CHN2: variants seen among roughly 807,000 people sequenced by gnomAD.
CHN2 encodes the protein chimerin 2, also known as beta-chimaerin.
CHN2 carries 35 observed loss-of-function variants against 56.3 expected under a neutral mutation model. The observed-to-expected ratio is 0.62, with a 90% confidence interval of 0.47 to 0.82. The LOEUF is 0.82. CHN2 is among the 40% of genes least tolerant of loss of function. The pLI, the probability that CHN2 is intolerant of heterozygous loss-of-function variation, is 0.00. For missense variants in CHN2, 491 were observed against 580.5 expected (o/e 0.85, Z 1.58); for synonymous variants, 210 against 212.8 (o/e 0.99, Z 0.12).
chr7:29,425,959 C>G (rs1804818812), intron 6 of CHN2, among the ~76,000 whole-genome samples: 1 of 151,788 alleles, frequency 6.6e-6, no homozygotes, highest in South Asian at 2.1e-4. Flanking sequence ...ACCTGTAATC[C>G]CAGCACTTTG....
chr7:29,400,945 A>G (rs1189764634), intron 6 of CHN2, 117 bp downstream of exon 6: 2 of 1,019,078 alleles, frequency 2.0e-6, no homozygotes, highest in African/African-American at 3.3e-5. Flanking sequence ...CACCCGAAGA[A>G]CTCTAGAATG....
At chr7:29,489,139 G>C (rs1379287779) in intron 7 of CHN2, among the ~76,000 whole-genome samples, 1 of 152,176 alleles carries the variant, frequency 6.6e-6, no homozygotes, top group Admixed American at 6.5e-5. Flanking sequence ...CTAAATGCCT[G>C]AGATCTTTCT....
At chr7:29,281,688 TC>T (rs11323558) in intron 1 of CHN2, among the ~76,000 whole-genome samples, 60,409 of 152,002 alleles carry the variant, frequency 0.4, 12,452 homozygotes, top group African/African-American at 0.51. Context: ...TCCCCCTCTC[TC>T]CCCTACACAG....
intron 1 of CHN2, among the ~76,000 whole-genome samples, chr7:29,321,684 C>T (rs1795373218): frequency 6.6e-6 from 1 of 151,766 alleles, no homozygotes; most frequent in South Asian, 2.1e-4. Context: ...AATTCTCCTG[C>T]CTCAGCCTCC....
intron 1 of CHN2, among the ~76,000 whole-genome samples, chr7:29,335,144 C>T (rs10269966): frequency 0.3 from 46,105 of 152,096 alleles, 7,279 homozygotes; most frequent in East Asian, 0.35. Context: ...TTTCTGGAGC[C>T]ATCTATTTAG....
chr7:29,421,004 T>C (rs1804288457), intron 6 of CHN2, among the ~76,000 whole-genome samples: 2 of 152,166 alleles, frequency 1.3e-5, no homozygotes, highest in South Asian at 4.1e-4. Flanking sequence ...TTTCGCCATG[T>C]TGGCCAGGCT....
intron 6 of CHN2, among the ~76,000 whole-genome samples, chr7:29,458,377 G>GCACACATACACA (rs1554296992): frequency 1.8e-4 from 24 of 136,014 alleles, no homozygotes; most frequent in East Asian, 7.3e-4. Flanking sequence ...GCATAGCTGT[G>GCACACATACACA]CACACACACA....
At chr7:29,473,358 A>C (rs1036142829) in intron 6 of CHN2, among the ~76,000 whole-genome samples, 10 of 152,186 alleles carry the variant, frequency 6.6e-5, no homozygotes, top group African/African-American at 2.4e-4. Context: ...TTCTAAGAGC[A>C]CATTACAATC....
intron 1 of CHN2, among the ~76,000 whole-genome samples, chr7:29,204,910 A>C (rs1175834400): frequency 6.6e-6 from 1 of 152,258 alleles, no homozygotes; most frequent in African/African-American, 2.4e-5. Flanking sequence ...ATAGAATCAC[A>C]GCAAATCCTA....
intron 3 of CHN2, chr7:29,380,799 G>A (rs1309360612): frequency 6.6e-6 from 1 of 152,182 alleles, no homozygotes; most frequent in Non-Finnish European, 1.5e-5. Flanking sequence ...AGCTCTTTGG[G>A]CTTAAAAGGT....
At chr7:29,412,273 T>C (rs1165091172) in intron 6 of CHN2, among the ~76,000 whole-genome samples, 1 of 150,806 alleles carries the variant, frequency 6.6e-6, no homozygotes, top group East Asian at 2.0e-4. Context: ...GTAGACCTCT[T>C]ACAGTTAAAT....
chr7:29,497,627 G>A (rs756142036), intron 8 of CHN2, among the ~76,000 whole-genome samples: 7 of 152,082 alleles, frequency 4.6e-5, no homozygotes, highest in Non-Finnish European at 7.4e-5. Flanking sequence ...AACCATCATT[G>A]CCTCTCAGCT....
chr7:29,267,178 G>A (rs907889011), intron 1 of CHN2, among the ~76,000 whole-genome samples: 3 of 151,904 alleles, frequency 2.0e-5, no homozygotes, highest in African/African-American at 4.8e-5. Flanking sequence ...AATGCACAAC[G>A]CTGTATCTTT....
At chr7:29,295,346 C>CACAG (rs1245214192) in intron 1 of CHN2, among the ~76,000 whole-genome samples, 6 of 150,634 alleles carry the variant, frequency 4.0e-5, no homozygotes, top group African/African-American at 1.5e-4. Flanking sequence ...CACACACACA[C>CACAG]AGATTATAAA....
At chr7:29,381,830 A>T (rs1024845919) in intron 3 of CHN2, among the ~76,000 whole-genome samples, 3 of 150,220 alleles carry the variant, frequency 2.0e-5, no homozygotes, top group African/African-American at 7.3e-5. Flanking sequence ...AAAAAAAAAA[A>T]AAAAAAGCAG....
intron 1 of CHN2, among the ~76,000 whole-genome samples, chr7:29,235,823 G>C (rs979527229): frequency 2.6e-5 from 4 of 152,184 alleles, no homozygotes; most frequent in Admixed American, 6.5e-5. Context: ...ACTTATAAGT[G>C]GGAGCTAAAC....
chr7:29,377,650 G>T (rs1258701219), intron 3 of CHN2, among the ~76,000 whole-genome samples: 1 of 50,508 alleles, frequency 2.0e-5, no homozygotes, highest in African/African-American at 6.3e-5. Context: ...AGAGCAGGTG[G>T]TTTGGGCAAG....
chr7:29,446,944 G>C (rs1226581525), intron 6 of CHN2, among the ~76,000 whole-genome samples: 6 of 152,158 alleles, frequency 3.9e-5, no homozygotes, highest in African/African-American at 1.4e-4. Context: ...CCCAGCTCCA[G>C]ATCCGCCCGG....
intron 1 of CHN2, among the ~76,000 whole-genome samples, chr7:29,340,987 C>T (rs13238811): frequency 0.25 from 37,499 of 151,920 alleles, 4,954 homozygotes; most frequent in Non-Finnish European, 0.3. Flanking sequence ...CCTTGAGCTT[C>T]CCACCAGGAG....
Sources: allele counts gnomAD v4.1 joint callset (sites outside exome capture counted in the v4.1 genomes callset), GRCh38; gene constraint gnomAD v4.1.1; transcripts MANE v1.5; gene names NCBI Gene and HGNC (gene_info 2026-07-23, HGNC 2026-07-21).